The following NCAM1 variants were observed in gnomAD, a reference collection of about 807,000 sequenced individuals.
NCAM1 encodes antigen recognized by monoclonal antibody 5.1H11.
Under a neutral mutation model 109.8 loss-of-function variants are expected in NCAM1, and 14 were observed. The observed-to-expected ratio is 0.13, with a 90% CI of 0.08 to 0.20. The LOEUF (loss-of-function observed/expected upper bound fraction) is 0.20. Among genes scored for constraint, NCAM1 ranks in the 10% least tolerant of loss-of-function variants. NCAM1 has a pLI of 1.00. For synonymous variants in NCAM1, 418 were observed against 442.9 expected (o/e 0.94, Z 0.70); for missense variants, 774 against 1,109.9 (o/e 0.70, Z 4.30).
At chr11:113,013,426 C>CAAAAAA (rs34001751) in intron 1 of NCAM1, among the ~76,000 whole-genome samples, 5 of 96,022 alleles carry the variant, frequency 5.2e-5, no homozygotes, top group African/African-American at 1.2e-4. Flanking sequence ...GACTCTGTCT[C>CAAAAAA]AAAAAAAAAA....
At chr11:113,162,436 C>T (rs1337533052) in intron 1 of NCAM1, among the ~76,000 whole-genome samples, 2 of 152,214 alleles carry the variant, frequency 1.3e-5, no homozygotes, top group East Asian at 3.9e-4. Flanking sequence ...AGTCAGGAGA[C>T]CAAGGCGCCT....
intron 7 of NCAM1, among the ~76,000 whole-genome samples, chr11:113,211,239 C>T (rs1247564010): frequency 3.9e-5 from 6 of 152,140 alleles, no homozygotes; most frequent in Non-Finnish European, 7.3e-5. Context: ...AGAAATGGGA[C>T]AGGTTCTGCA....
At chr11:113,127,395 G>A (rs1555097348) in intron 1 of NCAM1, among the ~76,000 whole-genome samples, 1 of 152,170 alleles carries the variant, frequency 6.6e-6, no homozygotes, top group Non-Finnish European at 1.5e-5. Context: ...TGTTTCAGGA[G>A]TTACCAGTGC....
chr11:113,257,811 T>C (rs1433962945), intron 16 of NCAM1, among the ~76,000 whole-genome samples: 2 of 152,200 alleles, frequency 1.3e-5, no homozygotes, highest in African/African-American at 2.4e-5. Flanking sequence ...GACAGAGAAA[T>C]GAAGAGGAAA....
intron 1 of NCAM1, among the ~76,000 whole-genome samples, chr11:112,977,009 T>A (rs1208906589): frequency 6.6e-6 from 1 of 151,720 alleles, no homozygotes; most frequent in Non-Finnish European, 1.5e-5. Flanking sequence ...TCGTGATACT[T>A]TGTGGGTGAA....
intron 9 of NCAM1, among the ~76,000 whole-genome samples, chr11:113,224,923 C>T (rs1445279914): frequency 6.6e-6 from 1 of 152,180 alleles, no homozygotes; most frequent in Non-Finnish European, 1.5e-5. Flanking sequence ...CACACCAAAA[C>T]CCCATCTGCA....
intron 1 of NCAM1, among the ~76,000 whole-genome samples, chr11:113,145,039 AAGAT>A (rs1941965490): frequency 6.6e-6 from 1 of 152,230 alleles, no homozygotes; most frequent in African/African-American, 2.4e-5. Context: ...TAACCTGAGA[AAGAT>A]AGATACCTCC....
chr11:113,009,608 G>A (rs1257574334), intron 1 of NCAM1, among the ~76,000 whole-genome samples: 1 of 152,084 alleles, frequency 6.6e-6, no homozygotes, highest in Non-Finnish European at 1.5e-5. Context: ...GAGGATAGGA[G>A]TCTCCATGCA....
chr11:113,208,124 G>A, intron 7 of NCAM1, 122 bp downstream of exon 7: 1 of 1,175,484 alleles, frequency 8.5e-7, no homozygotes, highest in East Asian at 2.6e-5. Context: ...ACCATTTCTT[G>A]CCAGTTCCAC....
intron 1 of NCAM1, among the ~76,000 whole-genome samples, chr11:113,181,836 G>A (rs1210774996): frequency 6.6e-6 from 1 of 152,044 alleles, no homozygotes; most frequent in Non-Finnish European, 1.5e-5. Context: ...TTAGATTAAG[G>A]AACCCCACGC....
chr11:113,090,426 C>A (rs1425312237), intron 1 of NCAM1, among the ~76,000 whole-genome samples: 1 of 152,208 alleles, frequency 6.6e-6, no homozygotes, highest in Non-Finnish European at 1.5e-5. Context: ...CGCATTATTT[C>A]ACTTTCTGCG....
intron 1 of NCAM1, among the ~76,000 whole-genome samples, chr11:113,177,466 G>A (rs540386730): frequency 2.6e-5 from 4 of 152,164 alleles, no homozygotes; most frequent in South Asian, 2.1e-4. Flanking sequence ...CTGGAGTCTC[G>A]CTCTGTCATC....
At chr11:113,238,335 C>G (rs897940639) in intron 14 of NCAM1, among the ~76,000 whole-genome samples, 2 of 152,178 alleles carry the variant, frequency 1.3e-5, no homozygotes, top group African/African-American at 2.4e-5. Context: ...GTTGAGCACG[C>G]CTTTTGCAAG....
intron 1 of NCAM1, among the ~76,000 whole-genome samples, chr11:113,181,747 C>A (rs1254528168): frequency 1.3e-5 from 2 of 152,150 alleles, no homozygotes; most frequent in Non-Finnish European, 2.9e-5. Flanking sequence ...TCTCTCCCCT[C>A]TTCCGAAAGA....
chr11:113,148,769 T>C (rs1942115584), intron 1 of NCAM1, among the ~76,000 whole-genome samples: 1 of 152,174 alleles, frequency 6.6e-6, no homozygotes, highest in Admixed American at 6.5e-5. Context: ...TTCTCCCCTT[T>C]GTTTACAGTG....
intron 1 of NCAM1, among the ~76,000 whole-genome samples, chr11:112,968,629 A>T (rs188125881): frequency 2.8e-4 from 43 of 152,324 alleles, no homozygotes; most frequent in Admixed American, 3.3e-4. Context: ...TGGAGTTTCC[A>T]GTCTAGTAGT....
intron 1 of NCAM1, among the ~76,000 whole-genome samples, chr11:113,195,855 C>A (rs1053577127): frequency 6.6e-6 from 1 of 151,600 alleles, no homozygotes; most frequent in Non-Finnish European, 1.5e-5. Flanking sequence ...ATATAAGAGG[C>A]CCCTGTTATC....
intron 15 of NCAM1, among the ~76,000 whole-genome samples, chr11:113,252,529 C>G (rs531726333): frequency 2.5e-4 from 38 of 152,028 alleles, no homozygotes; most frequent in Non-Finnish European, 4.6e-4. Context: ...GTCTTATTTA[C>G]CTTTGAGACT....
chr11:113,205,840 G>T (rs1336174369), intron 4 of NCAM1, among the ~76,000 whole-genome samples, 174 bp downstream of exon 4: 3 of 152,146 alleles, frequency 2.0e-5, no homozygotes, highest in Admixed American at 6.5e-5. Flanking sequence ...TTAGGTACCT[G>T]ATTTTCTCTC....
Sources: gnomAD v4.1 joint callset for allele counts (sites outside exome capture counted in the v4.1 genomes callset) on GRCh38, gnomAD v4.1.1 for gene constraint, MANE v1.5 for transcripts, NCBI Gene and HGNC (gene_info 2026-07-23, HGNC 2026-07-21) for gene names.